KLB: variants seen among roughly 807,000 people sequenced by gnomAD.
KLB encodes beta-klotho.
A neutral mutation model predicts 88.4 loss-of-function variants in KLB; 44 were observed. The ratio of observed to expected loss-of-function variants is 0.50; its 90% confidence interval spans 0.39 to 0.64. The LOEUF (loss-of-function observed/expected upper bound fraction) is 0.64, where lower values mean the gene tolerates loss of function less well. Ranked by LOEUF, KLB falls within the 30% of genes least tolerant of loss-of-function variation. The pLI is 0.00. For synonymous variants in KLB, 548 were observed against 513.4 expected (o/e 1.07, Z -0.91); for missense variants, 1,137 against 1,304.8 (o/e 0.87, Z 1.98).
intron 1 of KLB, among the ~76,000 whole-genome samples, chr4:39,413,902 T>C (rs1041869777): frequency 6.6e-6 from 1 of 152,198 alleles, no homozygotes; most frequent in Middle Eastern, 3.2e-3. Flanking sequence ...CAAAGATTTC[T>C]CAAACCTGGT....
rs1743871845 is a variant in KLB, at chr4:39,450,691, GT to G, written c.*2010del. Reference sequence around the variant, plus strand: ...GTCACGCATACAACTAGTCAATTCTGTTTTTATTACTCTAACTATGTAGAAA... The same window carrying G: ...GTCACGCATACAACTAGTCAATTCTGTTTTATTACTCTAACTATGTAGAAA... On this transcript the variant is annotated 3_prime_UTR_variant, in exon 5 of 5. Transcript: ENST00000257408. The G allele has an allele frequency of 2.6e-5, 4 of 152,098 alleles. No individual in the cohort carries two copies. The South Asian group carries it at 8.3e-4, about 31-fold the overall frequency. 9.4% of individuals were successfully genotyped at this position (152,098 alleles called of 1,614,324 possible). A position where few individuals can be genotyped will look rare whatever the true frequency, so the allele number is the denominator to read the frequency against.
At chr4:39,419,957 A>G (rs1743045561) in intron 1 of KLB, among the ~76,000 whole-genome samples, 1 of 151,578 alleles carries the variant, frequency 6.6e-6, no homozygotes, top group Non-Finnish European at 1.5e-5. Flanking sequence ...AAAAAAAAAA[A>G]AAAAAAGGCT....
intron 1 of KLB, among the ~76,000 whole-genome samples, chr4:39,427,343 C>T (rs1015478520): frequency 2.6e-5 from 4 of 151,926 alleles, no homozygotes; most frequent in African/African-American, 4.8e-5. Context: ...ATTAGCTGGG[C>T]GTGGTGGCAG....
At chr4:39,440,729 T>C (rs2109840885) in intron 3 of KLB, among the ~76,000 whole-genome samples, 1 of 152,102 alleles carries the variant, frequency 6.6e-6, no homozygotes, top group Admixed American at 6.6e-5. Flanking sequence ...AGCTGATTTT[T>C]TGTATTTTAG....
Position 39,449,312 on chromosome 4 carries a change from A to T in KLB, c.*626A>T. On this transcript the variant is annotated 3_prime_UTR_variant, in exon 5 of 5. Coordinates refer to ENST00000257408, the MANE Select transcript of KLB (RefSeq NM_175737.4). ...CTCCAGCCTAGGCGACAACAGCAAG[A>T]CTGTGTCCAAAAAAAAAAAAAAAAG... 1 of 136,100 alleles carries T rather than the reference A, an allele frequency of 7.3e-6. No individual in the cohort carries two copies. The highest frequency in any genetic ancestry group is 1.6e-5 in the Non-Finnish European group (1 of 63,340). The allele number at this position is 136,100 out of a possible 1,614,324, so 8.4% of individuals were successfully genotyped here.
rs141153852 is a variant in KLB, at chr4:39,443,195, T to C, written c.1606-3137T>C. ...TGTTTCATTACTGAAGATATTACTG[T>C]GGTTGAAGTAGTATTACCAGATTTC... On this transcript the variant is annotated intron_variant, in intron 3 of 4. Coordinates refer to ENST00000257408, the MANE Select transcript of KLB (RefSeq NM_175737.4). Among the ~76,000 whole-genome samples the C allele has an allele frequency of 1.0e-3, 152 of 152,180 alleles. 1 individual carries two copies. The highest frequency in any genetic ancestry group is 3.6e-3 in the African/African-American group (151 of 41,520).
Position 39,449,571 on chromosome 4 carries a change from C to A in KLB, c.*885C>A, listed in dbSNP as rs1483484978. The stretch of plus-strand genomic sequence containing the variant: ...ATCAAGCCCTTCATTTTTCTAACAA[C>A]AAAAAATCACCTATAGAATATCTAA... On this transcript the variant is annotated 3_prime_UTR_variant, in exon 5 of 5. Coordinates refer to ENST00000257408, the MANE Select transcript of KLB (RefSeq NM_175737.4). 3.3e-5 allele frequency: 5 copies of A among 152,084 alleles called. No homozygotes were observed. Among genetic ancestry groups the A allele is most frequent in the Admixed American group, 2.6e-4 (4 of 15,258 alleles). 9.4% of individuals were successfully genotyped at this position (152,084 alleles called of 1,614,324 possible).
At chr4:39,411,084 G>A (rs924268802) in intron 1 of KLB, among the ~76,000 whole-genome samples, 3 of 151,702 alleles carry the variant, frequency 2.0e-5, no homozygotes, top group African/African-American at 7.3e-5. Context: ...CGGAGTTTTC[G>A]TTCTTGTTGC....
chr4:39,434,107 C>T, intron 1 of KLB, 103 bp from the exon 2 acceptor site: 1 of 1,110,422 alleles, frequency 9.0e-7, no homozygotes, highest in South Asian at 1.5e-5. Flanking sequence ...CCCTGAATCA[C>T]TGTACGCTGC....
At chr4:39,430,261 C>A (rs1349942485) in intron 1 of KLB, among the ~76,000 whole-genome samples, 1 of 152,066 alleles carries the variant, frequency 6.6e-6, no homozygotes, top group Non-Finnish European at 1.5e-5. Flanking sequence ...GAGAGGTGCA[C>A]AATAGGCCTG....
chr4:39,421,903 G>A (rs1301281198), intron 1 of KLB, among the ~76,000 whole-genome samples: 1 of 152,102 alleles, frequency 6.6e-6, no homozygotes, highest in Non-Finnish European at 1.5e-5. Flanking sequence ...TGCCACCACT[G>A]CCCTGCTAAT....
chr4:39,448,777 A>G lies in KLB; in HGVS notation c.*91A>G. On this transcript the variant is annotated 3_prime_UTR_variant, in exon 5 of 5. Coordinates refer to ENST00000257408, the MANE Select transcript of KLB (RefSeq NM_175737.4). ...GGAGATATACCTGTATTATAGAAAG[A>G]CAATCTGAGATACAGCTGTAACCAA... 1 of 1,231,004 alleles carries G rather than the reference A, an allele frequency of 8.1e-7. No homozygotes were observed. The highest frequency in any genetic ancestry group is 1.5e-5 in the South Asian group (1 of 68,572). The allele number at this position is 1,231,004 out of a possible 1,614,324, so 76.3% of individuals were successfully genotyped here. A position where few individuals can be genotyped will look rare whatever the true frequency, so the allele number is the denominator to read the frequency against.
chr4:39,435,857 T>A (rs1321706338), intron 2 of KLB, among the ~76,000 whole-genome samples: 2 of 152,264 alleles, frequency 1.3e-5, no homozygotes, highest in South Asian at 2.1e-4. Context: ...GTTTCATTCC[T>A]TATAAAGGAC....
intron 3 of KLB, among the ~76,000 whole-genome samples, chr4:39,445,668 C>T (rs1743724005): frequency 7.1e-6 from 1 of 141,574 alleles, no homozygotes; most frequent in Non-Finnish European, 1.5e-5. Context: ...CCACGCCTGG[C>T]TAATCTTGTT....
At chr4:39,429,274 G>A (rs777698873) in intron 1 of KLB, among the ~76,000 whole-genome samples, 13 of 152,214 alleles carry the variant, frequency 8.5e-5, no homozygotes, top group Non-Finnish European at 1.8e-4. Flanking sequence ...CTGGTGTGAT[G>A]TGTTTGGCTT....
intron 1 of KLB, among the ~76,000 whole-genome samples, chr4:39,427,726 A>G (rs2109830584): frequency 6.6e-6 from 1 of 152,240 alleles, no homozygotes; most frequent in Non-Finnish European, 1.5e-5. Context: ...AAGTTAAATT[A>G]TTTTCAGCTT....
At chr4:39,428,431 A>G (rs1458970395) in intron 1 of KLB, among the ~76,000 whole-genome samples, 1 of 27,004 alleles carries the variant, frequency 3.7e-5, no homozygotes, top group Non-Finnish European at 1.4e-4. Context: ...TACGTCTCAA[A>G]AAAAAAAAAA....
chr4:39,442,416 T>C (rs115030854), intron 3 of KLB, among the ~76,000 whole-genome samples: 8,407 of 151,382 alleles, frequency 0.056, 367 homozygotes, highest in South Asian at 0.19. Context: ...CATATTTGTT[T>C]CAACTCTGCC....
At chr4:39,417,421 TCTC>T (rs1742988551) in intron 1 of KLB, among the ~76,000 whole-genome samples, 1 of 152,126 alleles carries the variant, frequency 6.6e-6, no homozygotes, top group Admixed American at 6.6e-5. Flanking sequence ...TTCAAGCAAT[TCTC>T]CTGTCTCAGC....
Sources: gnomAD v4.1 joint callset for allele counts (sites outside exome capture counted in the v4.1 genomes callset) on GRCh38, gnomAD v4.1.1 for gene constraint, MANE v1.5 for transcripts, NCBI Gene and HGNC (gene_info 2026-07-23, HGNC 2026-07-21) for gene names.